AFM: variants seen among roughly 807,000 people sequenced by gnomAD.
AFM encodes the protein alpha-Alb.
AFM carries 82 observed loss-of-function variants against 68.7 expected under a neutral mutation model. That is an observed-to-expected ratio of 1.19 (90% CI 1.00 to 1.43). The LOEUF is 1.43. Ranked by LOEUF, AFM falls within the 40% of genes most tolerant of loss-of-function variation. The pLI is 0.00. For synonymous variants in AFM, 250 were observed against 234.2 expected (o/e 1.07, Z -0.61); for missense variants, 772 against 701.8 (o/e 1.10, Z -1.13).
rs1190305495 is a variant in AFM, at chr4:73,499,175, G to T, written c.1351G>T (p.Gly451Cys). 1 of 1,613,300 alleles carries T rather than the reference G, an allele frequency of 6.2e-7. No homozygotes were observed. Among genetic ancestry groups the T allele is most frequent in the Non-Finnish European group, 8.5e-7 (1 of 1,179,610 alleles). Reference sequence around the variant, plus strand: ...CTCCACTGAAGAACTGGTGTCTCTTGGCGAGAAAATGGTGACAGCTTTCAC... The same window carrying T: ...CTCCACTGAAGAACTGGTGTCTCTTTGCGAGAAAATGGTGACAGCTTTCAC... ...QLSTEELVSLGEKMVTAFTTC... is the reference protein window; with the variant it reads ...QLSTEELVSLCEKMVTAFTTC... The change falls in exon 11 of 15, where the codon GGC (glycine) becomes TGC (cysteine). Residue 451 changes from glycine to cysteine, a missense_variant. Transcript: ENST00000226355.
intron 14 of AFM, 103 bp downstream of exon 14, chr4:73,503,213 A>AG: frequency 2.2e-6 from 2 of 899,776 alleles, no homozygotes; most frequent in Non-Finnish European, 3.5e-6. Context: ...GGTTCATCCT[A>AG]CATGAACAAG....
Position 73,487,016 on chromosome 4 carries a change from C to T in AFM, c.532C>T (p.Leu178Phe). 6.2e-7 allele frequency: 1 copy of T among 1,613,872 alleles called. No homozygotes were observed. The highest frequency in any genetic ancestry group is 1.1e-5 in the South Asian group (1 of 91,058). ...GAACCCATTTGTCTTCGCCCCTACACTTCTAACTGTTGCTGTTCATTTTGA... is the reference window on the plus strand; with the variant it reads ...GAACCCATTTGTCTTCGCCCCTACATTTCTAACTGTTGCTGTTCATTTTGA... ...RRNPFVFAPTLLTVAVHFEEV... is the reference protein window; with the variant it reads ...RRNPFVFAPTFLTVAVHFEEV... The change falls in exon 5 of 15, where the codon CTT (leucine) becomes TTT (phenylalanine). Residue 178 changes from leucine (L) to phenylalanine (F), a missense_variant. Coordinates refer to ENST00000226355, the MANE Select transcript of AFM (RefSeq NM_001133.2).
At position 73,497,637 on chromosome 4, in the gene AFM, T is replaced by C. The variant is rs200302846; in HGVS notation, c.1192-15T>C. 6.5e-7 allele frequency: 1 copy of C among 1,532,814 alleles called. No individual in the cohort carries two copies. The highest frequency in any genetic ancestry group is 2.3e-5 in the East Asian group (1 of 43,976). 95.0% of individuals were successfully genotyped at this position (1,532,814 alleles called of 1,614,324 possible). ...TAGATAAAATGTTTGTAACCATGAT[T>C]ATTCTTATTTTCAGGAAGACAAATT... On this transcript the variant is annotated splice_polypyrimidine_tract_variant and intron_variant, in intron 9 of 14. Coordinates refer to ENST00000226355, the MANE Select transcript of AFM (RefSeq NM_001133.2).
intron 9 of AFM, among the ~76,000 whole-genome samples, chr4:73,496,127 G>C (rs1304649172): frequency 6.6e-6 from 1 of 152,162 alleles, no homozygotes; most frequent in Non-Finnish European, 1.5e-5. Context: ...TCTCACAAGA[G>C]GCCAGAAGCC....
At position 73,488,690 on chromosome 4, in the gene AFM, TGTA is replaced by T. The variant is rs776890126; in HGVS notation, c.776_778del (p.Val259del). ...TTGAATTTAAGGAGCTTATTTCTCT[TGTA>T]GAAGATGTTTCTTCCAACTATGATG... On this transcript the variant is annotated inframe_deletion, in exon 7 of 15. Transcript: ENST00000226355. 4 of 1,613,148 alleles carry T rather than the reference TGTA, an allele frequency of 2.5e-6. No homozygotes were observed. The South Asian group carries it at 3.3e-5, about 13-fold the overall frequency.
chr4:73,499,881 A>G (rs1193211053), intron 11 of AFM, 123 bp from the exon 12 acceptor site: 1 of 773,358 alleles, frequency 1.3e-6, no homozygotes, highest in African/African-American at 1.7e-5. Flanking sequence ...TCATGAGTGC[A>G]TGTGTTTTAT....
At chr4:73,501,756 A>T in intron 12 of AFM, 31 bp from the exon 13 acceptor site, 2 of 1,599,424 alleles carry the variant, frequency 1.3e-6, no homozygotes, top group Non-Finnish European at 1.7e-6. Context: ...GAAAGCGTTA[A>T]TTAATTTTAT....
chr4:73,488,712 T>C lies in AFM; in HGVS notation c.796T>C (p.Tyr266His). The change falls in exon 7 of 15, where the codon TAT becomes CAT. Residue 266 changes from tyrosine to histidine, a missense_variant. Tyr to His is a moderately conservative substitution (Grantham distance 83, BLOSUM62 2). Transcript: ENST00000226355. ...ISLVEDVSSN[Y>H]DGCCEGDVVQ... ...TCTTGTAGAAGATGTTTCTTCCAAC[T>C]ATGATGGATGCTGTGAAGGGGATGT... 1 of 1,613,372 alleles carries C rather than the reference T, an allele frequency of 6.2e-7. No homozygotes were observed. The highest frequency in any genetic ancestry group is 8.5e-7 in the Non-Finnish European group (1 of 1,179,554).
At position 73,487,111 on chromosome 4, in the gene AFM, A is replaced by C. The variant is rs762740805; in HGVS notation, c.615+12A>C. On this transcript the variant is annotated intron_variant, in intron 5 of 14. Transcript: ENST00000226355. ...GCCTTCAAACAAGGGTGGGTATAGC[A>C]TTTGTTCCATGAAGAGGATAAGAAA... 1 of 1,613,652 alleles carries C rather than the reference A, an allele frequency of 6.2e-7. No individual in the cohort carries two copies. The highest frequency in any genetic ancestry group is 8.5e-7 in the Non-Finnish European group (1 of 1,179,728).
chr4:73,484,469 T>C, intron 3 of AFM, 79 bp downstream of exon 3: 1 of 550,566 alleles, frequency 1.8e-6, no homozygotes, highest in Non-Finnish European at 3.0e-6. Context: ...TTTCTTTCTT[T>C]CTTTCTTTCT....
intron 5 of AFM, 79 bp downstream of exon 5, chr4:73,487,178 C>T (rs1022480025): frequency 6.1e-6 from 9 of 1,476,454 alleles, no homozygotes; most frequent in Non-Finnish European, 8.3e-6. Context: ...TATATTATAG[C>T]AAAAGGCTTG....
intron 8 of AFM, among the ~76,000 whole-genome samples, chr4:73,493,150 G>C (rs1721127478): frequency 1.3e-5 from 2 of 152,130 alleles, no homozygotes; most frequent in Non-Finnish European, 2.9e-5. Context: ...TGTGTATGTG[G>C]CTGTGAGTAG....
chr4:73,499,160 G>T lies in AFM; in HGVS notation c.1336G>T (p.Glu446Ter). ...TKIAPQLSTE[E>*]LVSLGEKMVT... ...GATAGCTCCCCAACTCTCCACTGAA[G>T]AACTGGTGTCTCTTGGCGAGAAAAT... is the stretch of plus-strand genomic sequence containing the variant. Residue 446 changes from glutamate (E) to a stop codon, truncating the protein, a stop_gained, in exon 11 of 15, where the codon GAA (glutamate) becomes TAA (stop). Transcript: ENST00000226355. LOFTEE classifies it high-confidence loss of function. The T allele has an allele frequency of 6.2e-7, 1 of 1,613,378 alleles. No individual in the cohort carries two copies. The highest frequency in any genetic ancestry group is 2.2e-5 in the East Asian group (1 of 44,842).
chr4:73,500,047 G>T lies in AFM; in HGVS notation c.1466G>T (p.Arg489Leu). 1 of 1,613,962 alleles carries T rather than the reference G, an allele frequency of 6.2e-7. No homozygotes were observed. The highest frequency in any genetic ancestry group is 8.5e-7 in the Non-Finnish European group (1 of 1,179,932). ...GAGTTATGTGGAGTAAATGAAAATC[G>T]AACTATCAACCCTGCTGTGGACCAC... ...FGELCGVNEN[R>L]TINPAVDHCC... Residue 489 changes from arginine to leucine, a missense_variant, in exon 12 of 15, where the codon CGA (arginine) becomes CTA (leucine). Arg to Leu is a moderately radical substitution (Grantham distance 102). Coordinates refer to ENST00000226355, the MANE Select transcript of AFM (RefSeq NM_001133.2).
At chr4:73,491,489 T>C (rs1363272832) in intron 7 of AFM, among the ~76,000 whole-genome samples, 1 of 152,216 alleles carries the variant, frequency 6.6e-6, no homozygotes, top group Non-Finnish European at 1.5e-5. Flanking sequence ...GGATTATAGA[T>C]ATTATAGTAA....
At chr4:73,485,695 G>A (rs549776816) in intron 3 of AFM, among the ~76,000 whole-genome samples, 167 bp from the exon 4 acceptor site, 2 of 144,988 alleles carry the variant, frequency 1.4e-5, no homozygotes, top group African/African-American at 5.0e-5. Flanking sequence ...AGAAGGAGGG[G>A]GGGAAGGGAA....
intron 2 of AFM, 113 bp downstream of exon 2, chr4:73,484,102 C>A: frequency 1.5e-6 from 2 of 1,360,772 alleles, no homozygotes; most frequent in Non-Finnish European, 2.0e-6. Context: ...AAGAAGACAA[C>A]TTTAATTATA....
intron 2 of AFM, 94 bp downstream of exon 2, chr4:73,484,083 G>A (rs1453427769): frequency 1.5e-6 from 2 of 1,368,202 alleles, no homozygotes; most frequent in African/African-American, 3.0e-5. Context: ...CTAAATAGAA[G>A]CCATATCCAA....
intron 3 of AFM, among the ~76,000 whole-genome samples, chr4:73,485,589 G>A (rs150229277): frequency 1.3e-4 from 11 of 84,204 alleles, no homozygotes; most frequent in Admixed American, 7.2e-4. Flanking sequence ...GAAGGAGAAG[G>A]AGAAGAGGAA....
Sources: allele counts gnomAD v4.1 joint callset (sites outside exome capture counted in the v4.1 genomes callset), GRCh38; gene constraint gnomAD v4.1.1; transcripts MANE v1.5; gene names NCBI Gene and HGNC (gene_info 2026-07-23, HGNC 2026-07-21).